Variants in UIMC1 observed in about 807,000 individuals in gnomAD.
The protein encoded by UIMC1 is ubiquitin interaction motif containing 1, also known as BRCA1-A complex subunit RAP80.
Under a neutral mutation model 84.9 loss-of-function variants are expected in UIMC1, and 42 were observed. The ratio of observed to expected loss-of-function variants is 0.49; its 90% CI spans 0.39 to 0.64. UIMC1 has a LOEUF of 0.64. Ranked by LOEUF, UIMC1 falls within the 30% of genes least tolerant of loss-of-function variation. UIMC1 has a pLI of 0.00. For synonymous variants in UIMC1, 281 were observed against 293.0 expected, an observed-to-expected ratio of 0.96 and a Z score of 0.42; for missense variants, 825 against 847.6, an observed-to-expected ratio of 0.97 and a Z score of 0.33.
In UIMC1 at chr5:176,963,916, A is replaced by G. The variant is rs148575391; in HGVS notation, c.1200+4639T>C. 3.0e-4 allele frequency among the ~76,000 whole-genome samples: 45 copies of G among 152,304 alleles called. No homozygotes were observed. The East Asian group carries it at 6.9e-3, about 23-fold the overall frequency. ...TCAGATTCTGAAAAGTAGTAACCAC[A>G]TTAACATACTACCCCTTCCAACTCC... On this transcript the variant is annotated intron_variant, in intron 6 of 14. Transcript: ENST00000511320.
intron 1 of UIMC1, among the ~76,000 whole-genome samples, chr5:177,005,528 A>G (rs1775128862): frequency 6.6e-6 from 1 of 151,794 alleles, no homozygotes; most frequent in South Asian, 2.1e-4. Flanking sequence ...GTGTAACAAT[A>G]CAATCCAAAC....
intron 1 of UIMC1, among the ~76,000 whole-genome samples, chr5:176,991,381 A>G (rs894693631): frequency 6.6e-6 from 1 of 151,922 alleles, no homozygotes; most frequent in Non-Finnish European, 1.5e-5. Flanking sequence ...CTACCCAAAG[A>G]GCAAATCTCT....
At chr5:176,945,635 G>C (rs1484231517) in intron 9 of UIMC1, among the ~76,000 whole-genome samples, 1 of 152,162 alleles carries the variant, frequency 6.6e-6, no homozygotes, top group Non-Finnish European at 1.5e-5. Context: ...TGCGACCCTT[G>C]TGGGGAGCCT....
At chr5:176,982,918 C>G (rs1771270956) in intron 1 of UIMC1, among the ~76,000 whole-genome samples, 1 of 151,930 alleles carries the variant, frequency 6.6e-6, no homozygotes, top group Non-Finnish European at 1.5e-5. Flanking sequence ...AGGCTGGTCT[C>G]AAACTCCTCA....
At chr5:176,924,742 T>C (rs900061828) in intron 10 of UIMC1, among the ~76,000 whole-genome samples, 4 of 151,940 alleles carry the variant, frequency 2.6e-5, no homozygotes, top group African/African-American at 9.7e-5. Context: ...AAGATACCAT[T>C]AAGAAAATGA....
At chr5:176,978,147 G>A (rs956508054) in intron 2 of UIMC1, among the ~76,000 whole-genome samples, 19 of 151,910 alleles carry the variant, frequency 1.3e-4, no homozygotes, top group Non-Finnish European at 1.9e-4. Flanking sequence ...CGAGGCGGAC[G>A]GATCACGAGG....
intron 2 of UIMC1, chr5:176,980,397 C>T (rs891392184): frequency 6.6e-6 from 1 of 152,138 alleles, no homozygotes; most frequent in Non-Finnish European, 1.5e-5. Flanking sequence ...GGACCTAACA[C>T]AGACATTAAG....
In UIMC1 at chr5:176,982,871, G is replaced by A. The variant is rs1771261784; in HGVS notation, c.-8-248C>T. Among the ~76,000 whole-genome samples, 5 of 152,124 alleles carry A rather than the reference G, an allele frequency of 3.3e-5. No individual in the cohort carries two copies. In the South Asian group the frequency reaches 1.0e-3, roughly 32 times the overall value. ...CACGCCACCACACTGGCTAATTTTT[G>A]CATTTTTAGTACAGACAGAGTTTCA... On this transcript the variant is annotated intron_variant, in intron 1 of 14. Coordinates refer to ENST00000511320, the MANE Select transcript of UIMC1 (RefSeq NM_001199298.2).
chr5:176,907,279 G>T, intron 12 of UIMC1, 102 bp from the exon 13 acceptor site: 1 of 1,135,940 alleles, frequency 8.8e-7, no homozygotes, highest in African/African-American at 1.6e-5. Flanking sequence ...GAAAAGGTGT[G>T]GGGGCCACAG....
chr5:176,966,786 G>A lies in UIMC1; in HGVS notation c.1200+1769C>T, dbSNP rs558631437. 1.8e-3 allele frequency among the ~76,000 whole-genome samples: 281 copies of A among 151,956 alleles called. 1 individual carries two copies. Among genetic ancestry groups the A allele is most frequent in the African/African-American group, 6.2e-3 (258 of 41,428 alleles). Reference sequence around the variant, plus strand: ...ATTATGTAATGGGAAAAAATAACTCGGAAACTATCCATACTTCATATCACA... The same window carrying A: ...ATTATGTAATGGGAAAAAATAACTCAGAAACTATCCATACTTCATATCACA... On this transcript the variant is annotated intron_variant, in intron 6 of 14. Coordinates refer to ENST00000511320, the MANE Select transcript of UIMC1 (RefSeq NM_001199298.2).
intron 10 of UIMC1, among the ~76,000 whole-genome samples, chr5:176,934,842 CTGCTGG>C (rs1581438591): frequency 1.3e-5 from 2 of 152,336 alleles, no homozygotes; most frequent in East Asian, 3.9e-4. Context: ...AAAGCTATGG[CTGCTGG>C]CAGCCATTTT....
chr5:176,982,310 T>C (rs1410830270), intron 2 of UIMC1, among the ~76,000 whole-genome samples, 159 bp downstream of exon 2: 1 of 152,218 alleles, frequency 6.6e-6, no homozygotes, highest in Non-Finnish European at 1.5e-5. Context: ...CCTTAAGTAA[T>C]TCTTCATTCC....
chr5:176,950,765 G>C (rs1765778789), intron 9 of UIMC1, among the ~76,000 whole-genome samples: 1 of 151,980 alleles, frequency 6.6e-6, no homozygotes. Context: ...AGCTACTCGG[G>C]TGGCTGAGGC....
Position 176,947,360 on chromosome 5 carries a change from A to G in UIMC1, c.1444-3872T>C, listed in dbSNP as rs566546077. 5.3e-5 allele frequency among the ~76,000 whole-genome samples: 8 copies of G among 152,136 alleles called. No homozygotes were observed. The South Asian group carries it at 1.5e-3, about 28-fold the overall frequency. ...TTGCTTCTACTTCTTTTATATATATATATTTTTTAAGTTCTAGGGTACATG... is the reference window on the plus strand; with the variant it reads ...TTGCTTCTACTTCTTTTATATATATGTATTTTTTAAGTTCTAGGGTACATG... On this transcript the variant is annotated intron_variant, in intron 9 of 14. Transcript: ENST00000511320.
chr5:176,982,235 T>C (rs1033695159), intron 2 of UIMC1, among the ~76,000 whole-genome samples: 10 of 152,214 alleles, frequency 6.6e-5, no homozygotes, highest in Admixed American at 5.2e-4. Context: ...AAATGCCACT[T>C]TGGATTACTA....
chr5:176,952,050 G>C (rs1349101335), intron 8 of UIMC1, among the ~76,000 whole-genome samples: 1 of 152,144 alleles, frequency 6.6e-6, no homozygotes, highest in Non-Finnish European at 1.5e-5. Flanking sequence ...GTCTGAGATG[G>C]ACCCATGTCG....
At chr5:176,946,765 G>A (rs939047970) in intron 9 of UIMC1, among the ~76,000 whole-genome samples, 1 of 151,948 alleles carries the variant, frequency 6.6e-6, no homozygotes, top group Non-Finnish European at 1.5e-5. Context: ...AACCCAAGAG[G>A]TGGAGGTTCC....
Position 176,923,414 on chromosome 5 carries a change from G to A in UIMC1, c.1598-12025C>T, listed in dbSNP as rs576228999. Among the ~76,000 whole-genome samples the A allele has an allele frequency of 3.3e-4, 51 of 152,254 alleles. 1 individual carries two copies. Among genetic ancestry groups the A allele is most frequent in the African/African-American group, 1.2e-3 (49 of 41,550 alleles). ...TTCAAGAAATAATTAGCTGGGTGTC[G>A]TGGCACATGCTTGTAATCCCAGCTA... On this transcript the variant is annotated intron_variant, in intron 10 of 14. Coordinates refer to ENST00000511320, the MANE Select transcript of UIMC1 (RefSeq NM_001199298.2).
At chr5:177,004,166 A>C (rs1189553971) in intron 1 of UIMC1, among the ~76,000 whole-genome samples, 1 of 152,202 alleles carries the variant, frequency 6.6e-6, no homozygotes, top group Non-Finnish European at 1.5e-5. Context: ...ATACCACAAA[A>C]TATGTCTAAT....
Sources: allele counts gnomAD v4.1 joint callset (sites outside exome capture counted in the v4.1 genomes callset), GRCh38; gene constraint gnomAD v4.1.1; transcripts MANE v1.5; gene names NCBI Gene and HGNC (gene_info 2026-07-23, HGNC 2026-07-21).